The following SMN2 variants were observed in gnomAD, a reference collection of about 807,000 sequenced individuals.
The protein encoded by SMN2 is survival of motor neuron 2, centromeric.
A neutral mutation model predicts 2.8 loss-of-function variants in SMN2; 1 was observed. That is an observed-to-expected ratio of 0.35 (90% confidence interval 0.13 to 1.68). SMN2 has a LOEUF of 1.68. Ranked by LOEUF, SMN2 falls within the 40% of genes most tolerant of loss-of-function variation. The pLI is 0.35. For synonymous variants in SMN2, 5 were observed against 5.0 expected, an observed-to-expected ratio of 0.99 and a Z score of 0.01; for missense variants, 12 against 16.9, an observed-to-expected ratio of 0.71 and a Z score of 0.51.
rs564381826 is a variant in SMN2 at position 70,076,652 on chromosome 5, C to T, written c.*3+78C>T. On this transcript the variant is annotated intron_variant, in intron 8 of 8. Coordinates refer to ENST00000380743, the MANE Select transcript of SMN2 (RefSeq NM_017411.4). ...TTTGTGGAAAACAAATGTTTTTGAA[C>T]ATTTAAAAAGTTCAGATGTTAGAAA... is the stretch of plus-strand genomic sequence containing the variant. 6.8e-5 allele frequency: 96 copies of T among 1,414,870 alleles called. 19 individuals carry two copies. In the East Asian group the frequency reaches 2.3e-3, roughly 34 times the overall value. 87.6% of individuals were successfully genotyped at this position (1,414,870 alleles called of 1,614,324 possible). A position where few individuals can be genotyped will look rare whatever the true frequency, so the allele number is the denominator to read the frequency against.
downstream of SMN2, among the ~76,000 whole-genome samples, chr5:70,083,263 G>A (rs1334111799): frequency 1.0e-4 from 12 of 116,034 alleles, no homozygotes; most frequent in Non-Finnish European, 1.7e-5. Flanking sequence ...GTTTGCTGAG[G>A]AGAGCTTTAC....
the SMN2 span, among the ~76,000 whole-genome samples, chr5:70,083,812 G>C: frequency 7.6e-6 from 1 of 132,090 alleles, no homozygotes; most frequent in Non-Finnish European, 1.5e-5. Context: ...TGGGGTGGGG[G>C]GAGTGGGGAG....
chr5:70,082,327 T>C (rs1774867589), downstream of SMN2, among the ~76,000 whole-genome samples: 1 of 121,808 alleles, frequency 8.2e-6, no homozygotes, highest in South Asian at 2.5e-4. Context: ...AAATTCTCTT[T>C]TTTGGTTGTG....
At chr5:70,079,662 C>A (rs1190643318), downstream of SMN2, among the ~76,000 whole-genome samples, 1 of 135,666 alleles carries the variant, frequency 7.4e-6, no homozygotes. Flanking sequence ...GAGGCTGAGG[C>A]AAAAGGATCA....
rs1303787490 is a variant in SMN2, at chr5:70,076,556, A to C, written c.870A>C (p.Ser290=). 1 of 1,464,280 alleles carries C rather than the reference A, an allele frequency of 6.8e-7. No homozygotes were observed. Among genetic ancestry groups the C allele is most frequent in the Non-Finnish European group, 9.3e-7 (1 of 1,077,906 alleles). The allele number at this position is 1,464,280 out of a possible 1,614,324, so 90.7% of individuals were successfully genotyped here. Residue 290 remains serine (S), a synonymous_variant, in exon 8 of 9, where the codon TCA becomes TCC. Transcript: ENST00000380743. Reference sequence around the variant, plus strand: ...AAAATCAAAAAGAAGGAAGGTGCTCACATTCCTTAAATTAAGGAGTAAGTC... The same window carrying C: ...AAAATCAAAAAGAAGGAAGGTGCTCCCATTCCTTAAATTAAGGAGTAAGTC... ...FRQNQKEGRC[S]HSLN
At chr5:70,076,374 C>G in intron 7 of SMN2, 147 bp from the exon 8 acceptor site, 1 of 474,146 alleles carries the variant, frequency 2.1e-6, no homozygotes, top group Non-Finnish European at 3.8e-6. Context: ...AGACTATCAA[C>G]TTAATTTCTG....
intron 1 of SMN2, among the ~76,000 whole-genome samples, chr5:70,053,008 T>C (rs1239427304): frequency 2.4e-5 from 1 of 42,350 alleles, no homozygotes; most frequent in African/African-American, 8.8e-5. Context: ...GTTAAGAGAG[T>C]GGGATTCTTG....
downstream of SMN2, chr5:70,078,035 CCTCT>C (rs1285368402): frequency 1.2e-5 from 1 of 84,618 alleles, no homozygotes; most frequent in Non-Finnish European, 2.2e-5. Flanking sequence ...CCGCACACGG[CCTCT>C]CTATTTATTT....
chr5:70,084,726 A>G, the SMN2 span, among the ~76,000 whole-genome samples: 2 of 138,076 alleles, frequency 1.4e-5, no homozygotes, highest in South Asian at 2.2e-4. Context: ...TGTTGTTTAT[A>G]TGGTCTTCCC....
the SMN2 span, among the ~76,000 whole-genome samples, chr5:70,084,130 T>C: frequency 1.3e-5 from 1 of 77,288 alleles, no homozygotes; most frequent in Admixed American, 1.5e-4. Context: ...TCAGCATCTT[T>C]AGGATTAAGT....
At chr5:70,079,111 G>T (rs1298178951), downstream of SMN2, among the ~76,000 whole-genome samples, 2 of 118,972 alleles carry the variant, frequency 1.7e-5, no homozygotes, top group Non-Finnish European at 3.5e-5. Flanking sequence ...TGAAATAATG[G>T]ATTCAATTTA....
chr5:70,085,436 T>C, the SMN2 span, among the ~76,000 whole-genome samples: 1 of 128,866 alleles, frequency 7.8e-6, no homozygotes, highest in Non-Finnish European at 1.6e-5. Flanking sequence ...AGAGGTGGGG[T>C]TTTACCATGT....
intron 1 of SMN2, among the ~76,000 whole-genome samples, chr5:70,052,689 T>C (rs1451451690): frequency 1.0e-4 from 3 of 28,598 alleles, no homozygotes; most frequent in Non-Finnish European, 2.3e-4. Flanking sequence ...GCCACTGCAC[T>C]CCAGCCTGGG....
Position 70,074,987 on chromosome 5 carries a change from C to A in SMN2, c.835-1534C>A, listed in dbSNP as rs1295376692. ...AGCCTGGGCAACAAGAGCGAAACTC[C>A]GTCTCAAAAAAAAAAGGAAGAAAAA... On this transcript the variant is annotated intron_variant, in intron 7 of 8. Coordinates refer to ENST00000380743, the MANE Select transcript of SMN2 (RefSeq NM_017411.4). Among the ~76,000 whole-genome samples, 3 of 125,076 alleles carry A rather than the reference C, an allele frequency of 2.4e-5. 1 individual carries two copies. Among genetic ancestry groups the A allele is most frequent in the Non-Finnish European group, 5.1e-5 (3 of 59,346 alleles). 82.1% of individuals were successfully genotyped at this position (125,076 alleles called of 152,430 possible). A position where few individuals can be genotyped will look rare whatever the true frequency, so the allele number is the denominator to read the frequency against.
At chr5:70,084,226 G>T in the SMN2 span, among the ~76,000 whole-genome samples, 1 of 50,120 alleles carries the variant, frequency 2.0e-5, no homozygotes, top group Non-Finnish European at 3.4e-5. Flanking sequence ...TTGCTCTGTT[G>T]CCCAGGCTGG....
chr5:70,080,883 A>ATTT (rs1774846190), downstream of SMN2, among the ~76,000 whole-genome samples: 1 of 99,022 alleles, frequency 1.0e-5, no homozygotes, highest in Non-Finnish European at 1.9e-5. Context: ...ATTAGATCCC[A>ATTT]GTTTTGGCTT....
intron 7 of SMN2, among the ~76,000 whole-genome samples, chr5:70,071,808 ATTAT>A (rs1209304918): frequency 6.7e-6 from 1 of 149,490 alleles, no homozygotes; most frequent in Admixed American, 6.7e-5. Context: ...CCGGCCTAAA[ATTAT>A]TTTTAAAAGT....
chr5:70,080,340 GTAAT>G (rs1360738638), downstream of SMN2, among the ~76,000 whole-genome samples: 2 of 128,786 alleles, frequency 1.6e-5, no homozygotes, highest in Admixed American at 8.0e-5. Flanking sequence ...AAGAAAAAAA[GTAAT>G]TAAGTTCTGT....
At chr5:70,052,836 C>T (rs1175740385) in intron 1 of SMN2, among the ~76,000 whole-genome samples, 1 of 98,858 alleles carries the variant, frequency 1.0e-5, no homozygotes, top group African/African-American at 3.5e-5. Flanking sequence ...GACCCGAGAT[C>T]GTGCCACTGT....
Sources: gnomAD v4.1 joint callset for allele counts (sites outside exome capture counted in the v4.1 genomes callset) on GRCh38, gnomAD v4.1.1 for gene constraint, MANE v1.5 for transcripts, NCBI Gene and HGNC (gene_info 2026-07-23, HGNC 2026-07-21) for gene names.